PDE3A: variants seen among roughly 807,000 people sequenced by gnomAD.
PDE3A encodes phosphodiesterase 3A.
Under a neutral mutation model 98.3 loss-of-function variants are expected in PDE3A, and 43 were observed. The observed-to-expected ratio is 0.44, with a 90% confidence interval of 0.34 to 0.56. The LOEUF is 0.56. PDE3A is among the 20% of genes least tolerant of loss of function. PDE3A has a pLI of 0.01. For missense variants in PDE3A, 1,427 were observed against 1,440.7 expected (o/e 0.99, Z 0.15); for synonymous variants, 663 against 567.9 (o/e 1.17, Z -2.38).
intron 1 of PDE3A, among the ~76,000 whole-genome samples, chr12:20,424,589 A>G (rs1944574197): frequency 6.6e-6 from 1 of 152,198 alleles, no homozygotes; most frequent in Admixed American, 6.5e-5. Context: ...AGCAAAACAA[A>G]TATTTGATAG....
chr12:20,386,562 G>A (rs896919269), intron 1 of PDE3A, among the ~76,000 whole-genome samples: 2 of 151,294 alleles, frequency 1.3e-5, no homozygotes, highest in South Asian at 2.1e-4. Flanking sequence ...ACTGGTCTCC[G>A]TCTCCTGACC....
chr12:20,372,358 A>G (rs1943490957), intron 1 of PDE3A, among the ~76,000 whole-genome samples: 1 of 152,104 alleles, frequency 6.6e-6, no homozygotes, highest in Admixed American at 6.6e-5. Context: ...ATGGAAACAC[A>G]AGAATACATT....
rs1945397631 is a variant in PDE3A, at chr12:20,469,371, G to A, written c.961-87289G>A. Among the ~76,000 whole-genome samples the A allele has an allele frequency of 2.0e-5, 3 of 152,066 alleles. No individual in the cohort carries two copies. The South Asian group carries it at 6.2e-4, about 32-fold the overall frequency. ...TGTTGTAATATCCTGCCAGTTTCAT[G>A]TCTGTCAACTCCTCCCTATGCTCGC... On this transcript the variant is annotated intron_variant, in intron 1 of 15. Coordinates refer to ENST00000359062, the MANE Select transcript of PDE3A (RefSeq NM_000921.5).
chr12:20,650,428 C>G lies in PDE3A; in HGVS notation c.2770-17C>G. On this transcript the variant is annotated splice_polypyrimidine_tract_variant and intron_variant, in intron 13 of 15. Coordinates refer to ENST00000359062, the MANE Select transcript of PDE3A (RefSeq NM_000921.5). ...TTTATCAAAGCAAAACATATATTAA[C>G]TTTATCTCTCAAATAGGTAAATGAT... 1 of 1,561,672 alleles carries G rather than the reference C, an allele frequency of 6.4e-7. No homozygotes were observed. Among genetic ancestry groups the G allele is most frequent in the South Asian group, 1.2e-5 (1 of 86,520 alleles).
In PDE3A at chr12:20,682,489, C is replaced by T. The variant is rs1388013750; in HGVS notation, c.*2218C>T. 1 of 152,084 alleles carries T rather than the reference C, an allele frequency of 6.6e-6. No individual in the cohort carries two copies. Among genetic ancestry groups the T allele is most frequent in the Non-Finnish European group, 1.5e-5 (1 of 68,006 alleles). 9.4% of individuals were successfully genotyped at this position (152,084 alleles called of 1,614,324 possible). On this transcript the variant is annotated 3_prime_UTR_variant, in exon 16 of 16. Transcript: ENST00000359062. ...ACAAAAAATATACATGGTTTCAAGG[C>T]AAATTCTCCAATAAGTTGGAAAATG...
intron 2 of PDE3A, among the ~76,000 whole-genome samples, chr12:20,599,932 T>C (rs1943550048): frequency 6.6e-6 from 1 of 152,160 alleles, no homozygotes; most frequent in Non-Finnish European, 1.5e-5. Flanking sequence ...AATACTAAAC[T>C]CATAAACATT....
rs1012587935 is a variant in PDE3A, at chr12:20,552,065, C to G, written c.961-4595C>G. The G allele has an allele frequency of 1.2e-6, 2 of 1,608,034 alleles. No homozygotes were observed. Among genetic ancestry groups the G allele is most frequent in the Non-Finnish European group, 1.7e-6 (2 of 1,179,614 alleles). The stretch of plus-strand genomic sequence containing the variant: ...GACCATGGGAATTTTTTCACATACA[C>G]GGGTAGTGGTGGTCGAGAGCTTTCC... On this transcript the variant is annotated intron_variant, in intron 1 of 15. Transcript: ENST00000359062. The surrounding 1 kb of genome is among the most constrained non-coding windows in gnomAD (Gnocchi z 5.1).
intron 1 of PDE3A, among the ~76,000 whole-genome samples, chr12:20,443,302 T>G (rs1393071527): frequency 6.6e-6 from 1 of 152,144 alleles, no homozygotes; most frequent in East Asian, 1.9e-4. Context: ...ACTGTACCAC[T>G]GTATTCCTAA....
intron 2 of PDE3A, among the ~76,000 whole-genome samples, chr12:20,562,820 A>T (rs1264054894): frequency 6.6e-6 from 1 of 152,190 alleles, no homozygotes; most frequent in Non-Finnish European, 1.5e-5. Context: ...TCTGGTTTTC[A>T]AATGATTGAA....
At chr12:20,544,521 C>A (rs1164676572) in intron 1 of PDE3A, among the ~76,000 whole-genome samples, 2 of 151,778 alleles carry the variant, frequency 1.3e-5, no homozygotes, top group African/African-American at 4.8e-5. Context: ...ACCATGAGTT[C>A]CTTGAAGACA....
chr12:20,482,307 T>C (rs1241701045), intron 1 of PDE3A, among the ~76,000 whole-genome samples: 4 of 152,152 alleles, frequency 2.6e-5, no homozygotes, highest in African/African-American at 4.8e-5. Context: ...ATATTTTTGT[T>C]CCAGAATAAC....
intron 1 of PDE3A, among the ~76,000 whole-genome samples, chr12:20,407,527 C>T (rs7307644): frequency 0.028 from 4,186 of 152,142 alleles, 179 homozygotes; most frequent in African/African-American, 0.096. Context: ...AAGCTTTATT[C>T]CCATATACTG....
intron 1 of PDE3A, among the ~76,000 whole-genome samples, chr12:20,526,442 T>C (rs1177327938): frequency 6.6e-6 from 1 of 152,200 alleles, no homozygotes; most frequent in Non-Finnish European, 1.5e-5. Context: ...AAAATCATTT[T>C]TTAAATCAAA....
chr12:20,483,741 CAAAG>C (rs780144716), intron 1 of PDE3A, among the ~76,000 whole-genome samples: 22 of 151,982 alleles, frequency 1.4e-4, no homozygotes, highest in East Asian at 1.2e-3. Flanking sequence ...TTTTTGAACT[CAAAG>C]AAAAATTTGG....
intron 9 of PDE3A, among the ~76,000 whole-genome samples, chr12:20,638,212 T>C (rs960107939): frequency 2.4e-4 from 36 of 152,150 alleles, no homozygotes; most frequent in African/African-American, 8.2e-4. Context: ...CATGTCTCAA[T>C]GTGGAACTTC....
At chr12:20,587,871 A>T (rs1001085731) in intron 2 of PDE3A, among the ~76,000 whole-genome samples, 1 of 152,224 alleles carries the variant, frequency 6.6e-6, no homozygotes, top group African/African-American at 2.4e-5. Flanking sequence ...TTAAGTCCTG[A>T]CATACAGATA....
chr12:20,587,803 C>T (rs1943230063), intron 2 of PDE3A, among the ~76,000 whole-genome samples: 1 of 152,166 alleles, frequency 6.6e-6, no homozygotes, highest in Non-Finnish European at 1.5e-5. Context: ...GAATGTGTTA[C>T]ATCAGAAGTT....
At chr12:20,545,711 G>C (rs986510145) in intron 1 of PDE3A, among the ~76,000 whole-genome samples, 3 of 150,390 alleles carry the variant, frequency 2.0e-5, no homozygotes, top group Non-Finnish European at 4.4e-5. Context: ...GCTGGGGCCA[G>C]TATGCTGAAA....
chr12:20,658,207 G>A (rs1387090766), intron 15 of PDE3A, among the ~76,000 whole-genome samples: 1 of 152,132 alleles, frequency 6.6e-6, no homozygotes, highest in Non-Finnish European at 1.5e-5. Flanking sequence ...TGTATCTACT[G>A]CCCTTGTTAG....
Sources: gnomAD v4.1 joint callset for allele counts (sites outside exome capture counted in the v4.1 genomes callset) on GRCh38, gnomAD v4.1.1 for gene constraint, Gnocchi (gnomAD v3.1) non-coding constraint, MANE v1.5 for transcripts, NCBI Gene and HGNC (gene_info 2026-07-23, HGNC 2026-07-21) for gene names.